The following RPRD2 variants were observed in gnomAD, a reference collection of about 807,000 sequenced individuals.
The protein encoded by RPRD2 is regulation of nuclear pre-mRNA domain containing 2, also known as regulation of nuclear pre-mRNA domain-containing protein 2.
RPRD2 carries 12 observed loss-of-function variants against 104.4 expected under a neutral mutation model. The ratio of observed to expected loss-of-function variants is 0.11; its 90% CI spans 0.07 to 0.19. RPRD2 has a LOEUF of 0.19. Ranked by LOEUF, RPRD2 falls within the 10% of genes least tolerant of loss-of-function variation. The probability of loss-of-function intolerance (pLI) is 1.00; values close to 1 mark genes in which losing one functional copy is unlikely to be tolerated. For synonymous variants in RPRD2, 714 were observed against 684.9 expected (o/e 1.04, Z -0.66); for missense variants, 1,543 against 1,790.1 (o/e 0.86, Z 2.49).
intron 7 of RPRD2, among the ~76,000 whole-genome samples, chr1:150,455,549 G>A (rs1667470905): frequency 6.7e-6 from 1 of 150,298 alleles, no homozygotes; most frequent in Non-Finnish European, 1.5e-5. Context: ...AACAAGAGGA[G>A]TCTAAGGAGA....
chr1:150,455,021 G>A (rs1388072445), intron 7 of RPRD2, among the ~76,000 whole-genome samples: 1 of 152,180 alleles, frequency 6.6e-6, no homozygotes, highest in East Asian at 1.9e-4. Flanking sequence ...AACATCAACA[G>A]TGGTAAGTCG....
At chr1:150,469,905 G>A (rs587623573) in intron 10 of RPRD2, among the ~76,000 whole-genome samples, 1 of 152,210 alleles carries the variant, frequency 6.6e-6, no homozygotes, top group Non-Finnish European at 1.5e-5. Flanking sequence ...TCTTTGTGGT[G>A]TATGTTTGTT....
chr1:150,439,244 G>A (rs942697472), intron 2 of RPRD2, among the ~76,000 whole-genome samples: 13 of 152,152 alleles, frequency 8.5e-5, no homozygotes, highest in Admixed American at 6.6e-5. Flanking sequence ...CTATCTTACA[G>A]TCTTTTTCTT....
intron 1 of RPRD2, among the ~76,000 whole-genome samples, chr1:150,386,731 T>C (rs1309841285): frequency 6.6e-6 from 1 of 152,128 alleles, no homozygotes; most frequent in Non-Finnish European, 1.5e-5. Context: ...TACTGACATA[T>C]GCAATTTTCT....
chr1:150,381,950 G>A (rs1661168213), intron 1 of RPRD2, among the ~76,000 whole-genome samples: 1 of 152,122 alleles, frequency 6.6e-6, no homozygotes, highest in Admixed American at 6.6e-5. Flanking sequence ...CTTTTAAATA[G>A]GGATAATAAT....
chr1:150,381,659 TGC>T (rs1322656325), intron 1 of RPRD2, among the ~76,000 whole-genome samples: 1 of 151,932 alleles, frequency 6.6e-6, no homozygotes, highest in Non-Finnish European at 1.5e-5. Context: ...CGCCCACCAC[TGC>T]GCCTGGCTAA....
Position 150,460,221 on chromosome 1 carries a change from C to G in RPRD2, c.1315C>G (p.Pro439Ala). The change falls in exon 9 of 11, where the codon CCT becomes GCT. Residue 439 changes from proline to alanine, a missense_variant. Physicochemically the swap from Pro to Ala is conservative, Grantham distance 27. Coordinates refer to ENST00000369068, the MANE Select transcript of RPRD2 (RefSeq NM_015203.5). ...LPKPVNTSLS[P>A]SPALALPNLA... ...AAAGCCTGTGAATACTTCTCTTTCC[C>G]CTTCCCCAGCATTGGCTTTGCCAAA... The G allele has an allele frequency of 2.5e-6, 4 of 1,613,892 alleles. No individual in the cohort carries two copies. The highest frequency in any genetic ancestry group is 3.4e-6 in the Non-Finnish European group (4 of 1,179,848).
chr1:150,442,007 G>A, intron 4 of RPRD2, 49 bp downstream of exon 4: 1 of 1,421,762 alleles, frequency 7.0e-7, no homozygotes, highest in Non-Finnish European at 9.8e-7. Flanking sequence ...TCTTTTTGGA[G>A]CAGAAGAAAA....
At chr1:150,386,264 G>A (rs956298851) in intron 1 of RPRD2, among the ~76,000 whole-genome samples, 1 of 152,038 alleles carries the variant, frequency 6.6e-6, no homozygotes, top group African/African-American at 2.4e-5. Flanking sequence ...ATGAGCCACC[G>A]CACCCGGCCT....
At chr1:150,409,845 A>G (rs1243307710) in intron 1 of RPRD2, among the ~76,000 whole-genome samples, 2 of 151,990 alleles carry the variant, frequency 1.3e-5, no homozygotes, top group Admixed American at 1.3e-4. Flanking sequence ...GGGTTTCACC[A>G]TGTTGGTCAA....
At chr1:150,461,005 G>A (rs1280781979) in intron 9 of RPRD2, among the ~76,000 whole-genome samples, 1 of 151,842 alleles carries the variant, frequency 6.6e-6, no homozygotes, top group African/African-American at 2.4e-5. Flanking sequence ...GATTACAGGC[G>A]TGAGCCAGCG....
rs1041399065 is a variant in RPRD2 at position 150,474,835 on chromosome 1, A to G, written c.*1501A>G. 4 of 152,180 alleles carry G rather than the reference A, an allele frequency of 2.6e-5. No homozygotes were observed. The highest frequency in any genetic ancestry group is 2.0e-4 in the Admixed American group (3 of 15,272). 9.4% of individuals were successfully genotyped at this position (152,180 alleles called of 1,614,324 possible). On this transcript the variant is annotated 3_prime_UTR_variant, in exon 11 of 11. Transcript: ENST00000369068. ...CTTCCAAGTTAGTATAGAACTAACTATAGGAAGTATGGGGTTGCTTTTTCC... is the reference window on the plus strand; with the variant it reads ...CTTCCAAGTTAGTATAGAACTAACTGTAGGAAGTATGGGGTTGCTTTTTCC...
intron 1 of RPRD2, among the ~76,000 whole-genome samples, chr1:150,388,495 G>GCA (rs1203503867): frequency 9.3e-5 from 8 of 86,360 alleles, no homozygotes; most frequent in Admixed American, 1.5e-4. Flanking sequence ...ATATATACCC[G>GCA]CGCACACACA....
At chr1:150,394,330 G>A (rs761634236) in intron 1 of RPRD2, among the ~76,000 whole-genome samples, 2 of 152,050 alleles carry the variant, frequency 1.3e-5, no homozygotes, top group Non-Finnish European at 2.9e-5. Flanking sequence ...GTTTACAGGC[G>A]TGAACCACTG....
chr1:150,472,248 G>C lies in RPRD2; in HGVS notation c.3300G>C (p.Gly1100=). 1 of 1,613,924 alleles carries C rather than the reference G, an allele frequency of 6.2e-7. No individual in the cohort carries two copies. Among genetic ancestry groups the C allele is most frequent in the Non-Finnish European group, 8.5e-7 (1 of 1,179,870 alleles). The part of the protein sequence containing the change: ...YHSASNRRMS[G]EPIQTVESIR... ...GTGCATCCAATAGGAGGATGTCAGG[G>C]GAGCCGATCCAGACCGTAGAGTCCA... The change falls in exon 11 of 11, where the codon GGG becomes GGC. Residue 1100 remains glycine, a synonymous_variant. Coordinates refer to ENST00000369068, the MANE Select transcript of RPRD2 (RefSeq NM_015203.5).
chr1:150,454,018 C>T (rs1667362426), intron 7 of RPRD2, among the ~76,000 whole-genome samples: 1 of 152,158 alleles, frequency 6.6e-6, no homozygotes, highest in Non-Finnish European at 1.5e-5. Context: ...GCCCCCTTCT[C>T]CATGGCATGA....
In RPRD2 at chr1:150,470,834, T is replaced by C. The variant is rs371399772; in HGVS notation, c.1886T>C (p.Leu629Ser). Residue 629 changes from leucine to serine, a missense_variant, in exon 11 of 11, where the codon TTG becomes TCG. Leu to Ser is a moderately radical substitution (Grantham distance 145). This residue lies in a region of RPRD2 where 572 missense variants were observed against 787.3 expected (regional missense o/e 0.73). Transcript: ENST00000369068. ...STTFKLPSNS[L>S]GFTATHNTSP... is the part of the protein sequence containing the mutation. Reference sequence around the variant, plus strand: ...ACTTTTAAACTACCTTCCAACTCTTTGGGGTTTACAGCTACCCACAATACT... The same window carrying C: ...ACTTTTAAACTACCTTCCAACTCTTCGGGGTTTACAGCTACCCACAATACT... 34 of 1,613,824 alleles carry C rather than the reference T, an allele frequency of 2.1e-5. No homozygotes were observed. The African/African-American group carries it at 3.7e-4, about 18-fold the overall frequency.
At chr1:150,427,004 G>T (rs1553890675) in intron 2 of RPRD2, among the ~76,000 whole-genome samples, 1 of 152,056 alleles carries the variant, frequency 6.6e-6, no homozygotes. Flanking sequence ...AATTAGCCGG[G>T]CATGGTGGCA....
At chr1:150,396,611 G>T (rs1332388462) in intron 1 of RPRD2, among the ~76,000 whole-genome samples, 9 of 152,088 alleles carry the variant, frequency 5.9e-5, no homozygotes. Context: ...GTTGAATAGG[G>T]TGTCCTTTCC....
Sources: gnomAD v4.1 joint callset for allele counts (sites outside exome capture counted in the v4.1 genomes callset) on GRCh38, gnomAD v4.1.1 for gene constraint, gnomAD v4.1.1 regional missense constraint, MANE v1.5 for transcripts, NCBI Gene and HGNC (gene_info 2026-07-23, HGNC 2026-07-21) for gene names.